MYO3A: variants seen among roughly 807,000 people sequenced by gnomAD.
MYO3A encodes myosin-IIIa.
MYO3A carries 180 observed loss-of-function variants against 192.7 expected under a neutral mutation model. That is an observed-to-expected ratio of 0.93 (90% CI 0.83 to 1.06). The LOEUF is 1.06. Among genes scored for constraint, MYO3A ranks in the 50% least tolerant of loss-of-function variants. The pLI, the probability that MYO3A is intolerant of heterozygous loss-of-function variation, is 0.00. For synonymous variants in MYO3A, 628 were observed against 645.3 expected (o/e 0.97, Z 0.41); for missense variants, 1,896 against 1,905.0 (o/e 1.00, Z 0.09).
chr10:26,061,747 G>A (rs572824343), intron 10 of MYO3A, among the ~76,000 whole-genome samples: 9 of 152,240 alleles, frequency 5.9e-5, no homozygotes, highest in Non-Finnish European at 1.2e-4. Context: ...ATTCACAAGA[G>A]TGGAAGAGTG....
chr10:26,125,351 CCTCATTG>C, intron 18 of MYO3A, 40 bp from the exon 19 acceptor site: 1 of 1,564,208 alleles, frequency 6.4e-7, no homozygotes, highest in Non-Finnish European at 8.8e-7. Flanking sequence ...TGGGGAGTGA[CCTCATTG>C]CCATAATTTC....
At chr10:26,163,320 T>C (rs906415171) in intron 26 of MYO3A, among the ~76,000 whole-genome samples, 6 of 152,158 alleles carry the variant, frequency 3.9e-5, no homozygotes, top group African/African-American at 1.4e-4. Flanking sequence ...GGGACATCCA[T>C]AGAGACTTTT....
At chr10:26,120,844 A>G (rs1048764151) in intron 18 of MYO3A, 42 bp downstream of exon 18, 2 of 1,606,970 alleles carry the variant, frequency 1.2e-6, no homozygotes, top group East Asian at 4.5e-5. Flanking sequence ...AATCTTTCAA[A>G]TCTTATGACA....
At chr10:26,167,655 G>A (rs1841828972) in intron 27 of MYO3A, among the ~76,000 whole-genome samples, 1 of 152,310 alleles carries the variant, frequency 6.6e-6, no homozygotes, top group African/African-American at 2.4e-5. Flanking sequence ...CATGCAAAAA[G>A]AAATGATGAC....
At chr10:26,109,528 C>A (rs2131631556) in intron 17 of MYO3A, among the ~76,000 whole-genome samples, 1 of 152,170 alleles carries the variant, frequency 6.6e-6, no homozygotes, top group South Asian at 2.1e-4. Flanking sequence ...GTTATCAGTT[C>A]AAAAATACAT....
At chr10:26,097,876 G>A (rs1837152119) in intron 17 of MYO3A, among the ~76,000 whole-genome samples, 2 of 152,138 alleles carry the variant, frequency 1.3e-5, no homozygotes, top group South Asian at 2.1e-4. Flanking sequence ...TTGCATGTGT[G>A]CATGCAAACA....
At chr10:26,116,211 G>A (rs1838493267) in intron 17 of MYO3A, among the ~76,000 whole-genome samples, 1 of 152,188 alleles carries the variant, frequency 6.6e-6, no homozygotes, top group Non-Finnish European at 1.5e-5. Flanking sequence ...AGATTAGGAT[G>A]TGGACAGGGT....
chr10:26,154,706 AT>A, intron 24 of MYO3A, 39 bp from the exon 25 acceptor site: 1 of 1,569,760 alleles, frequency 6.4e-7, no homozygotes, highest in East Asian at 2.2e-5. Flanking sequence ...ATAAAGTACA[AT>A]AGATACCAAG....
chr10:26,010,850 C>A (rs1265954841), intron 6 of MYO3A, among the ~76,000 whole-genome samples: 1 of 152,078 alleles, frequency 6.6e-6, no homozygotes, highest in Non-Finnish European at 1.5e-5. Flanking sequence ...AAAACAAGAG[C>A]CTACAGAAGC....
chr10:26,144,661 CG>C (rs1199170618), intron 21 of MYO3A, among the ~76,000 whole-genome samples: 3 of 152,064 alleles, frequency 2.0e-5, no homozygotes, highest in Non-Finnish European at 4.4e-5. Flanking sequence ...AGAGCAAAAA[CG>C]CCAGATTTTT....
intron 6 of MYO3A, among the ~76,000 whole-genome samples, chr10:26,000,103 T>C (rs1026338244): frequency 6.6e-6 from 1 of 152,176 alleles, no homozygotes; most frequent in Non-Finnish European, 1.5e-5. Flanking sequence ...CCTTGTTCAG[T>C]ATCTCCATCC....
rs370283497 is a variant in MYO3A, at chr10:26,118,885, G to T, written c.1777-1791G>T. On this transcript the variant is annotated intron_variant, in intron 17 of 34. Coordinates refer to ENST00000642920, the MANE Select transcript of MYO3A (RefSeq NM_017433.5). The stretch of plus-strand genomic sequence containing the variant: ...GACCTCAAGTGATCTGCCCGCCTCG[G>T]CCTCCCAAAGTGCTGGGATTACAGG... Among the ~76,000 whole-genome samples the T allele has an allele frequency of 2.6e-5, 4 of 152,054 alleles. No homozygotes were observed. In the South Asian group the frequency reaches 6.2e-4, roughly 24 times the overall value.
Position 26,173,931 on chromosome 10 carries a change from G to A in MYO3A, c.3667G>A (p.Glu1223Lys). Residue 1223 changes from glutamate to lysine, a missense_variant, in exon 30 of 35, where the codon GAG (glutamate) becomes AAG (lysine). By Grantham distance (56) the Glu-to-Lys change is moderately conservative (BLOSUM62 1). Coordinates refer to ENST00000642920, the MANE Select transcript of MYO3A (RefSeq NM_017433.5). ...PKQKSVKDLEENSNLRKVEKE... is the reference protein window; with the variant it reads ...PKQKSVKDLEKNSNLRKVEKE... ...ACAGAAGTCTGTCAAAGACCTGGAA[G>A]AGAACAGCAATCTAAGGAAAGTGGA... The A allele has an allele frequency of 6.2e-7, 1 of 1,612,736 alleles. No individual in the cohort carries two copies. Among genetic ancestry groups the A allele is most frequent in the Middle Eastern group, 1.7e-4 (1 of 6,050 alleles).
At position 26,081,133 on chromosome 10, in the gene MYO3A, T is replaced by TCCCCCCCCCTTCCCCCCCCCCCCCCC. The variant is rs1835907338; in HGVS notation, c.1360-7061_1360-7060insTTCCCCCCCCCCCCCCCCCCCCCCCC. Among the ~76,000 whole-genome samples, 11 of 84,932 alleles carry TCCCCCCCCCTTCCCCCCCCCCCCCCC rather than the reference T, an allele frequency of 1.3e-4. 1 individual carries two copies. Among genetic ancestry groups the TCCCCCCCCCTTCCCCCCCCCCCCCCC allele is most frequent in the African/African-American group, 4.2e-4 (10 of 23,692 alleles). The allele number at this position is 84,932 out of a possible 152,430, so 55.7% of individuals were successfully genotyped here. On this transcript the variant is annotated intron_variant, in intron 14 of 34. Transcript: ENST00000642920. ...TAGAATTCCCAAGATTATATGCCCT[T>TCCCCCCCCCTTCCCCCCCCCCCCCCC]CCCCCCCCCCCCGCCCCCGCTACCA...
rs766568827 is a variant in MYO3A, at chr10:26,166,164, C to A, written c.3097C>A (p.Leu1033Ile). 6.2e-7 allele frequency: 1 copy of A among 1,612,108 alleles called. No homozygotes were observed. The highest frequency in any genetic ancestry group is 2.2e-5 in the East Asian group (1 of 44,868). The change falls in exon 27 of 35, where the codon CTT becomes ATT. Residue 1033 changes from leucine (L) to isoleucine (I), a missense_variant. Leu to Ile is a conservative substitution (Grantham distance 5, BLOSUM62 2). Coordinates refer to ENST00000642920, the MANE Select transcript of MYO3A (RefSeq NM_017433.5). ...AAAAGCTGGTCTCGATAACTGGGCT[C>A]TTGGAAAAACAAAAGTAATGTTTTC... ...LEKAGLDNWALGKTKVFLKYY... is the reference protein window; with the variant it reads ...LEKAGLDNWAIGKTKVFLKYY...
At chr10:26,101,178 G>T (rs140923966) in intron 17 of MYO3A, among the ~76,000 whole-genome samples, 9,291 of 152,078 alleles carry the variant, frequency 0.061, 369 homozygotes, top group Non-Finnish European at 0.089. Flanking sequence ...TTTGATCTTT[G>T]TTAGTTTACA....
chr10:26,132,238 G>T (rs1839579851), intron 20 of MYO3A, among the ~76,000 whole-genome samples: 1 of 152,130 alleles, frequency 6.6e-6, no homozygotes. Context: ...GTGATATAAC[G>T]ACTGAAGTTC....
intron 4 of MYO3A, among the ~76,000 whole-genome samples, chr10:25,959,814 T>A (rs1038912854): frequency 1.3e-5 from 2 of 151,990 alleles, no homozygotes; most frequent in East Asian, 3.9e-4. Flanking sequence ...TGTGTGTGTG[T>A]GTGTGTGTGT....
At chr10:26,090,852 G>A (rs1361799437) in intron 15 of MYO3A, among the ~76,000 whole-genome samples, 1 of 152,218 alleles carries the variant, frequency 6.6e-6, no homozygotes, top group Non-Finnish European at 1.5e-5. Flanking sequence ...TGGACTAACA[G>A]GGGTGAGGAG....
Sources: allele counts gnomAD v4.1 joint callset (sites outside exome capture counted in the v4.1 genomes callset), GRCh38; gene constraint gnomAD v4.1.1; transcripts MANE v1.5; gene names NCBI Gene and HGNC (gene_info 2026-07-23, HGNC 2026-07-21).